Variants in NUCKS1 observed in about 807,000 individuals in gnomAD.
NUCKS1 encodes nuclear casein kinase and cyclin dependent kinase substrate 1, also known as nuclear ubiquitous casein and cyclin-dependent kinase substrate 1.
NUCKS1 carries 2 observed loss-of-function variants against 33.0 expected under a neutral mutation model. The ratio of observed to expected loss-of-function variants is 0.06; its 90% CI spans 0.02 to 0.19. The LOEUF is 0.19. Ranked by LOEUF, NUCKS1 falls within the 10% of genes least tolerant of loss-of-function variation. The pLI is 1.00. For synonymous variants in NUCKS1, 106 were observed against 102.8 expected (o/e 1.03, Z -0.19); for missense variants, 201 against 293.6 (o/e 0.68, Z 2.31).
At chr1:205,725,187 T>G (rs1282589207) in intron 3 of NUCKS1, among the ~76,000 whole-genome samples, 1 of 152,178 alleles carries the variant, frequency 6.6e-6, no homozygotes, top group African/African-American at 2.4e-5. Flanking sequence ...CAGCACCTAG[T>G]AGTCTGTTTG....
At chr1:205,745,502 A>G (rs958624529) in intron 1 of NUCKS1, among the ~76,000 whole-genome samples, 1 of 152,058 alleles carries the variant, frequency 6.6e-6, no homozygotes, top group Non-Finnish European at 1.5e-5. Context: ...AAAAAAAAGT[A>G]TCTCTGAAAA....
At chr1:205,741,315 A>G (rs868318650) in intron 1 of NUCKS1, among the ~76,000 whole-genome samples, 77 of 150,942 alleles carry the variant, frequency 5.1e-4, no homozygotes, top group East Asian at 2.9e-3. Context: ...AAAAAAAAAA[A>G]AAAAGAAAAG....
At chr1:205,727,928 A>G (rs990057552) in intron 2 of NUCKS1, 123 bp from the exon 3 acceptor site, 2 of 704,248 alleles carry the variant, frequency 2.8e-6, no homozygotes, top group Admixed American at 5.9e-5. Flanking sequence ...TTTCCCAAAT[A>G]GTTTCTTTCA....
At chr1:205,720,098 G>C (rs963332872) in intron 5 of NUCKS1, among the ~76,000 whole-genome samples, 2 of 152,000 alleles carry the variant, frequency 1.3e-5, no homozygotes, top group Non-Finnish European at 2.9e-5. Context: ...AAAATACATA[G>C]GATTAACTAA....
chr1:205,743,719 G>A (rs537758864), intron 1 of NUCKS1, among the ~76,000 whole-genome samples: 2 of 152,292 alleles, frequency 1.3e-5, no homozygotes, highest in African/African-American at 4.8e-5. Context: ...AAATGTTGCA[G>A]TAGACCTTTC....
In NUCKS1 at chr1:205,719,600, G is replaced by A; in HGVS notation, c.459C>T (p.Asn153=). ...DSDYGSSKKK[N]KKMVKKSKPE... ...GTTTGGACTTCTTAACCATCTTTTT[G>A]TTTTTCTTTTTCGAACTGCCATAGT... Residue 153 remains asparagine, a synonymous_variant, in exon 6 of 7, where the codon AAC becomes AAT. Coordinates refer to ENST00000367142, the MANE Select transcript of NUCKS1 (RefSeq NM_022731.5). The A allele has an allele frequency of 6.2e-7, 1 of 1,613,088 alleles. No homozygotes were observed. The highest frequency in any genetic ancestry group is 8.5e-7 in the Non-Finnish European group (1 of 1,179,624).
At chr1:205,735,730 A>T (rs1467364706) in intron 1 of NUCKS1, among the ~76,000 whole-genome samples, 3 of 152,238 alleles carry the variant, frequency 2.0e-5, no homozygotes, top group African/African-American at 7.2e-5. Flanking sequence ...CAAGGTATAT[A>T]AATATCAATA....
chr1:205,749,031 G>A (rs1654403435), intron 1 of NUCKS1, among the ~76,000 whole-genome samples: 1 of 152,096 alleles, frequency 6.6e-6, no homozygotes, highest in African/African-American at 2.4e-5. Context: ...GAAATTCCGA[G>A]AATGAAGTCT....
intron 1 of NUCKS1, among the ~76,000 whole-genome samples, chr1:205,749,536 C>T (rs1177998458): frequency 1.3e-5 from 2 of 152,006 alleles, no homozygotes; most frequent in South Asian, 2.1e-4. Flanking sequence ...GTGCCTCCGC[C>T]CCTCCTCGCT....
chr1:205,750,014 C>CCGGGGGGGGGGGGGGGGGGGGGGGGGGG lies in NUCKS1; in HGVS notation c.-42_-41insCCCCCCCCCCCCCCCCCCCCCCCCCCCG. The CCGGGGGGGGGGGGGGGGGGGGGGGGGGG allele has an allele frequency of 1.4e-5, 22 of 1,568,886 alleles. No individual in the cohort carries two copies. Among genetic ancestry groups the CCGGGGGGGGGGGGGGGGGGGGGGGGGGG allele is most frequent in the East Asian group, 4.8e-5 (2 of 41,620 alleles). On this transcript the variant is annotated 5_prime_UTR_variant, in exon 1 of 7. Transcript: ENST00000367142. ...AGGACCGAGTCGAGAAGCCAAAGAC[C>CCGGGGGGGGGGGGGGGGGGGGGGGGGGG]AGGACCCCCCCCACCCCGCGCGCTC...
chr1:205,750,043 G>GCCCCCCCCCCCC lies in NUCKS1; in HGVS notation c.-71_-70insGGGGGGGGGGGG. ...ACCCCCCCCACCCCGCGCGCTCGGC[G>GCCCCCCCCCCCC]CCCCACCCCCCCCGAACTTCAGCCG... On this transcript the variant is annotated 5_prime_UTR_variant, in exon 1 of 7. Coordinates refer to ENST00000367142, the MANE Select transcript of NUCKS1 (RefSeq NM_022731.5). 2.4e-6 allele frequency: 3 copies of GCCCCCCCCCCCC among 1,271,642 alleles called. No homozygotes were observed. The highest frequency in any genetic ancestry group is 1.9e-5 in the South Asian group (1 of 53,170). 78.8% of individuals were successfully genotyped at this position (1,271,642 alleles called of 1,614,324 possible).
chr1:205,719,843 A>G (rs1029637646), intron 5 of NUCKS1, 167 bp from the exon 6 acceptor site: 4 of 611,722 alleles, frequency 6.5e-6, no homozygotes, highest in Non-Finnish European at 1.1e-5. Context: ...CACTGGCCTC[A>G]TTTGTCAAAT....
chr1:205,733,652 T>A (rs1653968064), intron 1 of NUCKS1, among the ~76,000 whole-genome samples: 1 of 151,936 alleles, frequency 6.6e-6, no homozygotes, highest in African/African-American at 2.4e-5. Flanking sequence ...ATTTAATAAA[T>A]AACATAAATG....
intron 2 of NUCKS1, 39 bp downstream of exon 2, chr1:205,729,533 T>C: frequency 7.0e-7 from 1 of 1,428,950 alleles, no homozygotes; most frequent in South Asian, 1.1e-5. Context: ...CCTCCACTGG[T>C]CAGTCCAACT....
At chr1:205,732,808 A>C (rs2102439754) in intron 1 of NUCKS1, among the ~76,000 whole-genome samples, 1 of 147,820 alleles carries the variant, frequency 6.8e-6, no homozygotes, top group African/African-American at 2.5e-5. Context: ...TAAGATGGTA[A>C]ATTTTATGCT....
intron 1 of NUCKS1, among the ~76,000 whole-genome samples, chr1:205,735,235 A>G (rs1558053801): frequency 6.6e-6 from 1 of 152,160 alleles, no homozygotes; most frequent in African/African-American, 2.4e-5. Context: ...TTTTTACTGT[A>G]CTTTTTCTAT....
rs149179812 is a variant in NUCKS1 at position 205,721,736 on chromosome 1, C to T, written c.230-1083G>A. Among the ~76,000 whole-genome samples, 40 of 150,364 alleles carry T rather than the reference C, an allele frequency of 2.7e-4. No individual in the cohort carries two copies. In the East Asian group the frequency reaches 6.3e-3, roughly 24 times the overall value. On this transcript the variant is annotated intron_variant, in intron 4 of 6. Transcript: ENST00000367142. ...TTGCCCAGGCTGGAGTGCAATATAG[C>T]GCAATCTCGCCTCACTGCAACCTCA... is the stretch of plus-strand genomic sequence containing the variant.
At chr1:205,721,128 G>A (rs1571570553) in intron 4 of NUCKS1, among the ~76,000 whole-genome samples, 1 of 141,202 alleles carries the variant, frequency 7.1e-6, no homozygotes, top group Non-Finnish European at 1.6e-5. Context: ...GGGGCAGGGT[G>A]GGGGGATGGA....
intron 2 of NUCKS1, 117 bp downstream of exon 2, chr1:205,729,455 G>A: frequency 1.3e-6 from 1 of 790,312 alleles, no homozygotes; most frequent in Admixed American, 2.2e-5. Flanking sequence ...CATGGTTTTG[G>A]TAAATGATCT....
Sources: gnomAD v4.1 joint callset for allele counts (sites outside exome capture counted in the v4.1 genomes callset) on GRCh38, gnomAD v4.1.1 for gene constraint, MANE v1.5 for transcripts, NCBI Gene and HGNC (gene_info 2026-07-23, HGNC 2026-07-21) for gene names.